ADAMTS17: variants seen among roughly 807,000 people sequenced by gnomAD.
ADAMTS17 encodes ADAM metallopeptidase with thrombospondin type 1 motif 17.
Under a neutral mutation model 141.5 loss-of-function variants are expected in ADAMTS17, and 113 were observed. The observed-to-expected ratio is 0.80, with a 90% confidence interval of 0.69 to 0.93. ADAMTS17 has a LOEUF of 0.93. Ranked by LOEUF, ADAMTS17 falls within the 40% of genes least tolerant of loss-of-function variation. The pLI, the probability that ADAMTS17 is intolerant of heterozygous loss-of-function variation, is 0.00. For missense variants in ADAMTS17, 1,659 were observed against 1,517.9 expected, an observed-to-expected ratio of 1.09 and a Z score of -1.54; for synonymous variants, 768 against 630.6, an observed-to-expected ratio of 1.22 and a Z score of -3.27.
Position 100,223,133 on chromosome 15 carries a change from G to A in ADAMTS17, c.1076-23710C>T, listed in dbSNP as rs370100759. Among the ~76,000 whole-genome samples, 160 of 152,308 alleles carry A rather than the reference G, an allele frequency of 1.1e-3. 1 individual carries two copies. The South Asian group carries it at 0.024, about 23-fold the overall frequency. ...TCACAGCACAATGTGAGGACGAGAG[G>A]CACCTGTCACTTAGCATCAGGGGAG... On this transcript the variant is annotated intron_variant, in intron 7 of 21. Transcript: ENST00000268070.
intron 10 of ADAMTS17, among the ~76,000 whole-genome samples, chr15:100,140,450 A>AAGACACACACACACACAC: frequency 7.3e-6 from 1 of 136,680 alleles, no homozygotes; most frequent in African/African-American, 2.7e-5. Flanking sequence ...GACTAACTCC[A>AAGACACACACACACACAC]AGACACACAC....
rs141763109 is a variant in ADAMTS17 at position 100,241,585 on chromosome 15, G to A, written c.1075+12551C>T. 1.5e-3 allele frequency among the ~76,000 whole-genome samples: 229 copies of A among 152,282 alleles called. 1 individual carries two copies. The highest frequency in any genetic ancestry group is 4.1e-3 in the South Asian group (20 of 4,826). On this transcript the variant is annotated intron_variant, in intron 7 of 21. Coordinates refer to ENST00000268070, the MANE Select transcript of ADAMTS17 (RefSeq NM_139057.4). ...GTTCTGTGGACAACCTCAGCCAGTC[G>A]GCCAACGGAGAAAGAGCCCCTAGGT...
chr15:100,146,016 T>C (rs964089724), intron 10 of ADAMTS17, among the ~76,000 whole-genome samples: 1 of 152,052 alleles, frequency 6.6e-6, no homozygotes, highest in African/African-American at 2.4e-5. Flanking sequence ...CTACTAAAAA[T>C]ACAAAAATTA....
chr15:100,033,528 G>GCCTC (rs113642129), intron 18 of ADAMTS17, among the ~76,000 whole-genome samples: 2 of 152,076 alleles, frequency 1.3e-5, no homozygotes, highest in African/African-American at 4.8e-5. Flanking sequence ...ACCTTAGCCT[G>GCCTC]TCTATAGGAC....
chr15:100,164,550 G>T (rs939353157), intron 8 of ADAMTS17, among the ~76,000 whole-genome samples: 2 of 152,246 alleles, frequency 1.3e-5, no homozygotes, highest in African/African-American at 4.8e-5. Context: ...AGTAGGCACA[G>T]TGGAGAAGAA....
chr15:100,203,393 T>A (rs576293884), intron 7 of ADAMTS17, among the ~76,000 whole-genome samples: 7 of 152,260 alleles, frequency 4.6e-5, no homozygotes, highest in Middle Eastern at 3.4e-3. Flanking sequence ...GCCAACATGG[T>A]GAAACCCTGT....
At chr15:100,113,752 C>G (rs1332435151) in intron 13 of ADAMTS17, among the ~76,000 whole-genome samples, 1 of 152,242 alleles carries the variant, frequency 6.6e-6, no homozygotes, top group Admixed American at 6.5e-5. Flanking sequence ...GCGGCCCCAG[C>G]TGGCTTGGCG....
At chr15:100,172,984 A>G (rs1334195364) in intron 8 of ADAMTS17, among the ~76,000 whole-genome samples, 2 of 152,166 alleles carry the variant, frequency 1.3e-5, no homozygotes, top group Non-Finnish European at 2.9e-5. Context: ...AGTGCTTCTC[A>G]AACTTCTGTG....
At chr15:100,252,467 T>A (rs1209155016) in intron 7 of ADAMTS17, among the ~76,000 whole-genome samples, 1 of 152,206 alleles carries the variant, frequency 6.6e-6, no homozygotes, top group Admixed American at 6.5e-5. Flanking sequence ...TGAGAGATTA[T>A]GTCTCCACGG....
intron 8 of ADAMTS17, among the ~76,000 whole-genome samples, chr15:100,169,732 G>A (rs532045823): frequency 9.8e-5 from 15 of 152,322 alleles, no homozygotes; most frequent in East Asian, 3.9e-4. Flanking sequence ...CTGCATGCTC[G>A]AAACCAGCAG....
chr15:100,126,593 A>G (rs1423635899), intron 12 of ADAMTS17, among the ~76,000 whole-genome samples: 2 of 152,206 alleles, frequency 1.3e-5, no homozygotes, highest in Non-Finnish European at 2.9e-5. Context: ...GGGAGATGAT[A>G]CAAGGGCATG....
chr15:100,038,082 T>C (rs185913817), intron 18 of ADAMTS17, among the ~76,000 whole-genome samples: 6 of 152,346 alleles, frequency 3.9e-5, no homozygotes, highest in Middle Eastern at 3.4e-3. Context: ...TTCTCTTGCA[T>C]GTGGATAGCT....
Position 100,258,844 on chromosome 15 carries a change from C to G in ADAMTS17, c.1031+2635G>C, listed in dbSNP as rs184496105. 1.9e-3 allele frequency among the ~76,000 whole-genome samples: 289 copies of G among 152,310 alleles called. 2 individuals are homozygous for G. Among genetic ancestry groups the G allele is most frequent in the African/African-American group, 6.5e-3 (270 of 41,560 alleles). ...TGAAAAATGAAAAGAAAGTCTAACT[C>G]ATAGCATCTTTGCATTGAGGGTGCG... On this transcript the variant is annotated intron_variant, in intron 6 of 21. Transcript: ENST00000268070.
intron 2 of ADAMTS17, 62 bp from the exon 3 acceptor site, chr15:100,331,116 C>A: frequency 6.2e-7 from 1 of 1,603,152 alleles, no homozygotes; most frequent in Non-Finnish European, 8.5e-7. Flanking sequence ...GCCCATGGCC[C>A]CCCGGAGGGG....
intron 5 of ADAMTS17, 23 bp from the exon 6 acceptor site, chr15:100,261,659 T>C (rs1431858176): frequency 4.3e-6 from 7 of 1,611,012 alleles, no homozygotes; most frequent in Non-Finnish European, 5.9e-6. Flanking sequence ...AGAGGACAGT[T>C]AGAGAAACAA....
At chr15:100,315,737 C>T (rs976840772) in intron 3 of ADAMTS17, among the ~76,000 whole-genome samples, 41 of 128,922 alleles carry the variant, frequency 3.2e-4, no homozygotes, top group African/African-American at 1.1e-3. Context: ...TAAAGACACA[C>T]ACACTCACAC....
At chr15:100,115,365 G>A (rs1376935869) in intron 13 of ADAMTS17, among the ~76,000 whole-genome samples, 2 of 152,156 alleles carry the variant, frequency 1.3e-5, no homozygotes, top group Admixed American at 1.3e-4. Flanking sequence ...AAAATTCAGG[G>A]TGCAAAGGCC....
At chr15:100,315,036 G>A (rs940332417) in intron 3 of ADAMTS17, among the ~76,000 whole-genome samples, 12 of 152,356 alleles carry the variant, frequency 7.9e-5, no homozygotes, top group Middle Eastern at 3.4e-3. Flanking sequence ...GGCAAACCCC[G>A]CCGGCTCTGT....
intron 7 of ADAMTS17, among the ~76,000 whole-genome samples, chr15:100,211,026 G>A (rs1210738762): frequency 6.6e-6 from 1 of 151,890 alleles, no homozygotes; most frequent in East Asian, 1.9e-4. Context: ...CGTGAATCTG[G>A]GAGGTGGAGC....
Sources: gnomAD v4.1 joint callset for allele counts (sites outside exome capture counted in the v4.1 genomes callset) on GRCh38, gnomAD v4.1.1 for gene constraint, MANE v1.5 for transcripts, NCBI Gene and HGNC (gene_info 2026-07-23, HGNC 2026-07-21) for gene names.